Variants in UBE3A observed in about 807,000 individuals in gnomAD.
UBE3A encodes the protein ubiquitin protein ligase E3A.
In UBE3A, 6 loss-of-function variants were observed where a neutral mutation model predicts 83.4. The observed-to-expected ratio is 0.07, with a 90% CI of 0.04 to 0.14. The LOEUF (loss-of-function observed/expected upper bound fraction) is 0.14, where lower values mean the gene tolerates loss of function less well. Among genes scored for constraint, UBE3A ranks in the 10% least tolerant of loss-of-function variants. The pLI, the probability that UBE3A is intolerant of heterozygous loss-of-function variation, is 1.00. For missense variants in UBE3A, 456 were observed against 1,036.1 expected (o/e 0.44, Z 7.69); for synonymous variants, 337 against 355.4 (o/e 0.95, Z 0.58).
rs1295954118 is a variant in UBE3A, at chr15:25,337,019, T to C, written c.*2118A>G. The C allele has an allele frequency of 1.3e-5, 2 of 152,164 alleles. No individual in the cohort carries two copies. Among genetic ancestry groups the C allele is most frequent in the African/African-American group, 2.4e-5 (1 of 41,446 alleles). The allele number at this position is 152,164 out of a possible 1,614,324, so 9.4% of individuals were successfully genotyped here. A position where few individuals can be genotyped will look rare whatever the true frequency, so the allele number is the denominator to read the frequency against. Reference sequence around the variant, plus strand: ...AGGAGTGACAACATGCCCGGCATAATTAAGCAAGCTAGAGCAGCTATTCTG... The same window carrying C: ...AGGAGTGACAACATGCCCGGCATAACTAAGCAAGCTAGAGCAGCTATTCTG... On this transcript the variant is annotated 3_prime_UTR_variant, in exon 13 of 13. Transcript: ENST00000648336.
rs138105646 is a variant in UBE3A at position 25,344,319 on chromosome 15, G to A, written c.2355-4091C>T. 2.2e-3 allele frequency among the ~76,000 whole-genome samples: 337 copies of A among 152,252 alleles called. 2 individuals carry two copies. Among genetic ancestry groups the A allele is most frequent in the African/African-American group, 7.8e-3 (324 of 41,540 alleles). On this transcript the variant is annotated intron_variant, in intron 11 of 12. Transcript: ENST00000648336. Reference sequence around the variant, plus strand: ...CTGCAATAATGTGGGATGATTCTCAGGATACACTAGGAAGATTATTTTCCT... The same window carrying A: ...CTGCAATAATGTGGGATGATTCTCAAGATACACTAGGAAGATTATTTTCCT...
At chr15:25,340,308 A>C in intron 11 of UBE3A, 80 bp from the exon 12 acceptor site, 1 of 1,494,982 alleles carries the variant, frequency 6.7e-7, no homozygotes, top group Non-Finnish European at 9.2e-7. Context: ...GATTTGCATT[A>C]AAACTATATT....
chr15:25,367,280 TTTAAATTAAATTAATTTACATA>T (rs2079449353), intron 6 of UBE3A, among the ~76,000 whole-genome samples: 1 of 148,098 alleles, frequency 6.8e-6, no homozygotes, highest in Non-Finnish European at 1.5e-5. Flanking sequence ...TATTTACATA[TTTAAATTAAATTAATTTACATA>T]TTAAATTAAA....
Position 25,339,039 on chromosome 15 carries a change from A to AC in UBE3A, c.*97dup. On this transcript the variant is annotated 3_prime_UTR_variant, in exon 13 of 13. Transcript: ENST00000648336. ...AGCCTTTTTGTACTGGGACACTATCACCACCAAAAATTTATCCCTCGTTAT... is the reference window on the plus strand; with the variant it reads ...AGCCTTTTTGTACTGGGACACTATCACCCACCAAAAATTTATCCCTCGTTAT... 2.2e-6 allele frequency: 3 copies of AC among 1,359,922 alleles called. No individual in the cohort carries two copies. Among genetic ancestry groups the AC allele is most frequent in the Non-Finnish European group, 2.9e-6 (3 of 1,039,844 alleles). The allele number at this position is 1,359,922 out of a possible 1,614,324, so 84.2% of individuals were successfully genotyped here. A position where few individuals can be genotyped will look rare whatever the true frequency, so the allele number is the denominator to read the frequency against.
At chr15:25,430,903 G>A (rs570287968) in intron 1 of UBE3A, among the ~76,000 whole-genome samples, 16 of 152,272 alleles carry the variant, frequency 1.1e-4, no homozygotes, top group South Asian at 4.2e-4. Context: ...AGAATGGGAA[G>A]GTGGGAAGGA....
chr15:25,365,192 A>T (rs2078885421), intron 6 of UBE3A, among the ~76,000 whole-genome samples: 1 of 150,992 alleles, frequency 6.6e-6, no homozygotes, highest in Admixed American at 6.6e-5. Context: ...TCATTTTTTA[A>T]AAAAAAAATC....
chr15:25,367,180 T>TAAATATGTAAATATTTAC, intron 6 of UBE3A, among the ~76,000 whole-genome samples: 1 of 92,428 alleles, frequency 1.1e-5, no homozygotes, highest in Non-Finnish European at 2.0e-5. Flanking sequence ...TACATATTTG[T>TAAATATGTAAATATTTAC]AAATATGTAA....
At chr15:25,340,284 T>TAACA in intron 11 of UBE3A, 56 bp from the exon 12 acceptor site, 1 of 1,557,410 alleles carries the variant, frequency 6.4e-7, no homozygotes, top group Non-Finnish European at 8.8e-7. Context: ...TGACTGGTAC[T>TAACA]AACATAAGCT....
chr15:25,350,365 T>A (rs1013586444), intron 11 of UBE3A, among the ~76,000 whole-genome samples: 5 of 150,652 alleles, frequency 3.3e-5, no homozygotes, highest in African/African-American at 1.2e-4. Flanking sequence ...AACACACACA[T>A]ACATCAAAAA....
intron 11 of UBE3A, among the ~76,000 whole-genome samples, chr15:25,352,333 C>A (rs1322163838): frequency 3.3e-5 from 5 of 152,118 alleles, no homozygotes; most frequent in Non-Finnish European, 7.3e-5. Context: ...TAAATACCAA[C>A]CAAAATATCT....
chr15:25,369,383 A>T (rs1225786850), intron 6 of UBE3A, among the ~76,000 whole-genome samples: 1 of 145,634 alleles, frequency 6.9e-6, no homozygotes, highest in Non-Finnish European at 1.5e-5. Flanking sequence ...ACAAAAAAAA[A>T]AAAAACACAC....
intron 4 of UBE3A, among the ~76,000 whole-genome samples, chr15:25,389,295 C>G (rs562355425): frequency 1.4e-5 from 2 of 146,646 alleles, no homozygotes; most frequent in South Asian, 4.2e-4. Flanking sequence ...AGGTCTTACA[C>G]CCTTCACAAA....
intron 1 of UBE3A, among the ~76,000 whole-genome samples, chr15:25,426,153 T>C (rs536708354): frequency 7.2e-4 from 110 of 152,346 alleles, no homozygotes; most frequent in African/African-American, 2.6e-3. Context: ...AAGTGTTTTA[T>C]TACATGACTT....
chr15:25,348,206 A>C (rs2076003547), intron 11 of UBE3A, among the ~76,000 whole-genome samples: 1 of 152,166 alleles, frequency 6.6e-6, no homozygotes, highest in African/African-American at 2.4e-5. Context: ...AAAACCTGAT[A>C]AACAGATAAA....
chr15:25,413,138 T>C (rs1255960461), intron 1 of UBE3A: 1 of 378,820 alleles, frequency 2.6e-6, no homozygotes, highest in Non-Finnish European at 5.1e-6. Context: ...ACTACAAATA[T>C]TAGGCACACT....
chr15:25,337,537 G>A lies in UBE3A; in HGVS notation c.*1600C>T, dbSNP rs2074042018. On this transcript the variant is annotated 3_prime_UTR_variant, in exon 13 of 13. Coordinates refer to ENST00000648336, the MANE Select transcript of UBE3A (RefSeq NM_130839.5). Reference sequence around the variant, plus strand: ...TTAGCATTATGGTACATAACAAACAGTTCTGTCTCAATTATGAAAAAAATT... The same window carrying A: ...TTAGCATTATGGTACATAACAAACAATTCTGTCTCAATTATGAAAAAAATT... 2 of 151,976 alleles carry A rather than the reference G, an allele frequency of 1.3e-5. No homozygotes were observed. Among genetic ancestry groups the A allele is most frequent in the Non-Finnish European group, 2.9e-5 (2 of 67,976 alleles). The allele number at this position is 151,976 out of a possible 1,614,324, so 9.4% of individuals were successfully genotyped here. A position where few individuals can be genotyped will look rare whatever the true frequency, so the allele number is the denominator to read the frequency against.
intron 6 of UBE3A, among the ~76,000 whole-genome samples, chr15:25,369,862 C>G (rs2080013636): frequency 6.6e-6 from 1 of 152,132 alleles, no homozygotes; most frequent in Non-Finnish European, 1.5e-5. Context: ...GGATGAGTAC[C>G]TGAGTTTCCA....
chr15:25,356,548 G>T, intron 8 of UBE3A, 143 bp downstream of exon 8: 1 of 810,302 alleles, frequency 1.2e-6, no homozygotes, highest in Non-Finnish European at 2.0e-6. Context: ...CTGGTACTTC[G>T]GTCAGATTAA....
chr15:25,425,683 TTTC>T (rs1331172209), intron 1 of UBE3A, among the ~76,000 whole-genome samples: 2 of 152,280 alleles, frequency 1.3e-5, no homozygotes, highest in East Asian at 3.9e-4. Flanking sequence ...AAACCTTTCA[TTTC>T]TTCTTATACT....
Sources: allele counts gnomAD v4.1 joint callset (sites outside exome capture counted in the v4.1 genomes callset), GRCh38; gene constraint gnomAD v4.1.1; transcripts MANE v1.5; gene names NCBI Gene and HGNC (gene_info 2026-07-23, HGNC 2026-07-21).